Variants in GRM1 observed in about 807,000 individuals in gnomAD.
GRM1 encodes the protein metabotropic glutamate receptor 1.
In GRM1, 33 loss-of-function variants were observed where a neutral mutation model predicts 90.9. The observed-to-expected ratio is 0.36, with a 90% confidence interval of 0.28 to 0.49. The LOEUF (loss-of-function observed/expected upper bound fraction) is 0.49. Among genes scored for constraint, GRM1 ranks in the 20% least tolerant of loss-of-function variants. The probability of loss-of-function intolerance (pLI) is 0.99; values close to 1 mark genes in which losing one functional copy is unlikely to be tolerated. For synonymous variants in GRM1, 700 were observed against 613.2 expected (o/e 1.14, Z -2.09); for missense variants, 1,190 against 1,534.3 (o/e 0.78, Z 3.75).
chr6:146,391,097 T>C (rs779140684), intron 6 of GRM1, among the ~76,000 whole-genome samples: 4 of 152,108 alleles, frequency 2.6e-5, no homozygotes, highest in South Asian at 2.1e-4. Flanking sequence ...ACGCTTTGCA[T>C]AGAGTTTTAT....
At position 146,050,107 on chromosome 6, in the gene GRM1, G is replaced by A. The variant is rs372419100; in HGVS notation, c.700+19890G>A. Among the ~76,000 whole-genome samples, 25 of 151,990 alleles carry A rather than the reference G, an allele frequency of 1.6e-4. No homozygotes were observed. The South Asian group carries it at 3.5e-3, about 21-fold the overall frequency. On this transcript the variant is annotated intron_variant, in intron 1 of 7. Transcript: ENST00000282753. ...GTGAGTAAGGAAAATGTAAATAACC[G>A]GTGCAAAGACTGTATTACCATGAGT...
intron 2 of GRM1, among the ~76,000 whole-genome samples, chr6:146,236,808 G>A (rs1470815195): frequency 6.6e-6 from 1 of 152,054 alleles, no homozygotes; most frequent in Non-Finnish European, 1.5e-5. Flanking sequence ...TTTCTTGCAG[G>A]GCTGCTGTTC....
chr6:146,063,147 G>A (rs1213342720), intron 1 of GRM1, among the ~76,000 whole-genome samples: 1 of 152,202 alleles, frequency 6.6e-6, no homozygotes, highest in Non-Finnish European at 1.5e-5. Flanking sequence ...TTTGAGGTTG[G>A]AGAGCAGGCT....
chr6:146,230,951 A>C (rs571675563), intron 2 of GRM1, among the ~76,000 whole-genome samples: 1 of 152,318 alleles, frequency 6.6e-6, no homozygotes, highest in South Asian at 2.1e-4. Flanking sequence ...ACATTCTGGA[A>C]AAAGTAAAAC....
intron 3 of GRM1, among the ~76,000 whole-genome samples, chr6:146,322,917 A>G (rs1784251969): frequency 6.6e-6 from 1 of 152,040 alleles, no homozygotes; most frequent in Non-Finnish European, 1.5e-5. Flanking sequence ...CCATGTCCCT[A>G]CAAAGGACAT....
intron 2 of GRM1, among the ~76,000 whole-genome samples, chr6:146,280,128 C>G (rs1782513853): frequency 6.6e-6 from 1 of 152,034 alleles, no homozygotes; most frequent in South Asian, 2.1e-4. Flanking sequence ...ATTATGTGCA[C>G]ATTTCTGCCA....
chr6:146,307,627 C>T (rs1783624909), intron 3 of GRM1, among the ~76,000 whole-genome samples: 2 of 152,146 alleles, frequency 1.3e-5, no homozygotes, highest in Admixed American at 1.3e-4. Flanking sequence ...AACAAATATG[C>T]AGACACATCT....
rs563309781 is a variant in GRM1, at chr6:146,069,491, T to C, written c.700+39274T>C. Among the ~76,000 whole-genome samples the C allele has an allele frequency of 3.0e-3, 455 of 152,332 alleles. 5 individuals are homozygous for C. The highest frequency in any genetic ancestry group is 0.01 in the African/African-American group (434 of 41,584). Reference sequence around the variant, plus strand: ...AAAATATACAGATAAGGTTTTGATATGTTTGAAATGTCTTTTATTTTATTT... The same window carrying C: ...AAAATATACAGATAAGGTTTTGATACGTTTGAAATGTCTTTTATTTTATTT... On this transcript the variant is annotated intron_variant, in intron 1 of 7. Coordinates refer to ENST00000282753, the MANE Select transcript of GRM1 (RefSeq NM_001278064.2).
intron 2 of GRM1, among the ~76,000 whole-genome samples, chr6:146,281,932 T>TA (rs1583270035): frequency 6.6e-6 from 1 of 152,324 alleles, no homozygotes; most frequent in Middle Eastern, 3.4e-3. Context: ...AATAAACTGT[T>TA]ATGATACTGT....
intron 3 of GRM1, 129 bp downstream of exon 3, chr6:146,304,975 T>C: frequency 1.4e-6 from 1 of 733,304 alleles, no homozygotes; most frequent in Non-Finnish European, 2.4e-6. Flanking sequence ...TCTGTGTTTA[T>C]AAAATGCTAG....
intron 1 of GRM1, among the ~76,000 whole-genome samples, chr6:146,049,517 T>G (rs1453058529): frequency 2.0e-5 from 3 of 152,000 alleles, no homozygotes; most frequent in Non-Finnish European, 4.4e-5. Context: ...TCAGCTTCCC[T>G]GGTTCTCAGG....
chr6:146,425,885 A>AT (rs1360776271), intron 7 of GRM1, among the ~76,000 whole-genome samples: 1 of 152,208 alleles, frequency 6.6e-6, no homozygotes, highest in Admixed American at 6.5e-5. Flanking sequence ...CAGCCTTGTC[A>AT]TGTCTAGCTA....
chr6:146,402,520 A>G (rs1777194856), intron 7 of GRM1, among the ~76,000 whole-genome samples: 1 of 152,292 alleles, frequency 6.6e-6, no homozygotes, highest in Middle Eastern at 3.4e-3. Context: ...AGTTTTGCCA[A>G]CTGAAGCAAA....
chr6:146,434,327 G>C lies in GRM1; in HGVS notation c.3116G>C (p.Ser1039Thr), dbSNP rs201980670. 1.2e-6 allele frequency: 2 copies of C among 1,611,200 alleles called. No individual in the cohort carries two copies. Among genetic ancestry groups the C allele is most frequent in the East Asian group, 2.2e-5 (1 of 44,772 alleles). ...ATGGACCAGCTCCAGGGAGTGGTCA[G>C]CAACTTCAGTACCGCGATCCCGGAT... ...SLMDQLQGVV[S>T]NFSTAIPDFH... Residue 1039 changes from serine to threonine, a missense_variant, in exon 8 of 8, where the codon AGC becomes ACC. Around this residue, in one of 10 missense-constraint regions of GRM1, gnomAD observed 400 missense variants for 360.8 expected, o/e 1.11. Coordinates refer to ENST00000282753, the MANE Select transcript of GRM1 (RefSeq NM_001278064.2).
intron 2 of GRM1, among the ~76,000 whole-genome samples, chr6:146,195,407 G>A (rs761911911): frequency 1.3e-5 from 2 of 152,158 alleles, no homozygotes; most frequent in African/African-American, 2.4e-5. Context: ...CAGACCCGCC[G>A]TTCAGGAGGA....
chr6:146,247,864 T>G (rs1348886155), intron 2 of GRM1, among the ~76,000 whole-genome samples: 1 of 147,462 alleles, frequency 6.8e-6, no homozygotes, highest in African/African-American at 2.5e-5. Flanking sequence ...CAATATATAC[T>G]AATATATATT....
intron 2 of GRM1, among the ~76,000 whole-genome samples, chr6:146,199,819 A>G (rs1779242268): frequency 6.6e-6 from 1 of 152,144 alleles, no homozygotes; most frequent in Admixed American, 6.5e-5. Flanking sequence ...GGAGTTTGAG[A>G]CCATCCTGAC....
chr6:146,192,300 C>A (rs1778958596), intron 2 of GRM1, among the ~76,000 whole-genome samples: 1 of 152,032 alleles, frequency 6.6e-6, no homozygotes, highest in South Asian at 2.1e-4. Flanking sequence ...ATTAGCATAA[C>A]CAAACTGTAG....
At chr6:146,122,448 G>A (rs1776026910) in intron 1 of GRM1, among the ~76,000 whole-genome samples, 1 of 152,068 alleles carries the variant, frequency 6.6e-6, no homozygotes, top group Admixed American at 6.5e-5. Context: ...GAAGATGTTA[G>A]TGTTTCATTA....
Sources: gnomAD v4.1 joint callset for allele counts (sites outside exome capture counted in the v4.1 genomes callset) on GRCh38, gnomAD v4.1.1 for gene constraint, gnomAD v4.1.1 regional missense constraint, MANE v1.5 for transcripts, NCBI Gene and HGNC (gene_info 2026-07-23, HGNC 2026-07-21) for gene names.